Variants in C1D observed in about 807,000 individuals in gnomAD.
The protein encoded by C1D is C1D nuclear receptor corepressor, also known as nuclear nucleic acid-binding protein C1D.
C1D carries 10 observed loss-of-function variants against 17.5 expected under a neutral mutation model. That is an observed-to-expected ratio of 0.57 (90% CI 0.35 to 0.97). The LOEUF (loss-of-function observed/expected upper bound fraction) is 0.97, where lower values mean the gene tolerates loss of function less well. C1D is among the 50% of genes least tolerant of loss of function. C1D has a pLI of 0.01. For synonymous variants in C1D, 49 were observed against 54.0 expected, an observed-to-expected ratio of 0.91 and a Z score of 0.40; for missense variants, 136 against 160.1, an observed-to-expected ratio of 0.85 and a Z score of 0.81.
chr2:68,047,348 T>C (rs756355263), intron 1 of C1D, 29 bp from the exon 2 acceptor site: 5 of 1,574,810 alleles, frequency 3.2e-6, no homozygotes, highest in African/African-American at 1.4e-5. Flanking sequence ...TTTGAATTCA[T>C]ATTAGAGACA....
chr2:68,056,534 A>G (rs1454388513), intron 1 of C1D, among the ~76,000 whole-genome samples: 1 of 150,962 alleles, frequency 6.6e-6, no homozygotes, highest in East Asian at 1.9e-4. Flanking sequence ...GACATATGCA[A>G]CACAAAGATT....
At chr2:68,057,894 T>C (rs182404822) in intron 1 of C1D, among the ~76,000 whole-genome samples, 1 of 152,358 alleles carries the variant, frequency 6.6e-6, no homozygotes, top group East Asian at 1.9e-4. Flanking sequence ...AAAAGCCTCC[T>C]CTGGCCTGCT....
chr2:68,045,168 C>A (rs1395420333), intron 4 of C1D, among the ~76,000 whole-genome samples: 1 of 151,888 alleles, frequency 6.6e-6, no homozygotes, highest in Non-Finnish European at 1.5e-5. Flanking sequence ...AGTAAAGGAC[C>A]AAGTGCTTTA....
intron 1 of C1D, among the ~76,000 whole-genome samples, chr2:68,060,935 T>C (rs530263229): frequency 1.6e-4 from 24 of 152,280 alleles, no homozygotes; most frequent in Admixed American, 3.9e-4. Flanking sequence ...CCAATCAAAG[T>C]AACCTAAGAC....
At chr2:68,049,070 G>A (rs539491914) in intron 1 of C1D, among the ~76,000 whole-genome samples, 81 of 152,098 alleles carry the variant, frequency 5.3e-4, no homozygotes, top group South Asian at 2.1e-3. Context: ...GGTGGCGCAC[G>A]CCTGTAATCC....
At chr2:68,049,916 G>C (rs1671234517) in intron 1 of C1D, among the ~76,000 whole-genome samples, 3 of 152,142 alleles carry the variant, frequency 2.0e-5, no homozygotes, top group East Asian at 1.9e-4. Context: ...CCAGGAGAAA[G>C]TATCTGACAA....
chr2:68,060,513 G>C (rs941305249), intron 1 of C1D, among the ~76,000 whole-genome samples: 1 of 151,952 alleles, frequency 6.6e-6, no homozygotes, highest in Admixed American at 6.6e-5. Flanking sequence ...CATGGCGACG[G>C]GTGCCTGTAA....
chr2:68,053,355 A>G, intron 1 of C1D: 1 of 791,354 alleles, frequency 1.3e-6, no homozygotes, highest in Non-Finnish European at 1.9e-6. Flanking sequence ...ACAGAACTGA[A>G]GTCATCAGCT....
At chr2:68,060,249 T>A (rs963037996) in intron 1 of C1D, among the ~76,000 whole-genome samples, 2 of 152,252 alleles carry the variant, frequency 1.3e-5, no homozygotes, top group African/African-American at 4.8e-5. Flanking sequence ...TATCATCTCA[T>A]CTGAACTACA....
intron 1 of C1D, 22 bp from the exon 2 acceptor site, chr2:68,047,341 G>A (rs1298422705): frequency 6.3e-7 from 1 of 1,576,784 alleles, no homozygotes; most frequent in South Asian, 1.2e-5. Context: ...TAAATTCTTT[G>A]AATTCATATT....
rs1670959583 is a variant in C1D, at chr2:68,041,577, G to A, written c.*1312C>T. 1 of 151,992 alleles carries A rather than the reference G, an allele frequency of 6.6e-6. No individual in the cohort carries two copies. The highest frequency in any genetic ancestry group is 2.4e-5 in the African/African-American group (1 of 41,428). The allele number at this position is 151,992 out of a possible 1,614,324, so 9.4% of individuals were successfully genotyped here. A position where few individuals can be genotyped will look rare whatever the true frequency, so the allele number is the denominator to read the frequency against. ...ACTTCAAAAACTGACATCAGAGACAGAAAAGACCTTCTGCGTCTATCAGTG... is the reference window on the plus strand; with the variant it reads ...ACTTCAAAAACTGACATCAGAGACAAAAAAGACCTTCTGCGTCTATCAGTG... On this transcript the variant is annotated 3_prime_UTR_variant, in exon 5 of 5. Transcript: ENST00000410067.
chr2:68,051,828 C>A (rs903692951), intron 1 of C1D, among the ~76,000 whole-genome samples: 3 of 151,902 alleles, frequency 2.0e-5, no homozygotes, highest in African/African-American at 7.3e-5. Context: ...AAAATGCACA[C>A]CCCTCCCCCA....
intron 4 of C1D, among the ~76,000 whole-genome samples, chr2:68,044,601 G>C (rs1227451682): frequency 6.6e-6 from 1 of 152,192 alleles, no homozygotes; most frequent in Non-Finnish European, 1.5e-5. Context: ...CCAGCTACTC[G>C]AGAGGCTGAG....
At chr2:68,045,838 GA>G (rs1159784592) in intron 4 of C1D, 149 bp downstream of exon 4, 22 of 535,340 alleles carry the variant, frequency 4.1e-5, no homozygotes, top group South Asian at 1.9e-4. Flanking sequence ...AAAGGTAAGA[GA>G]AAAAAAAACC....
chr2:68,051,520 T>C (rs1182768118), intron 1 of C1D, among the ~76,000 whole-genome samples: 1 of 152,020 alleles, frequency 6.6e-6, no homozygotes, highest in African/African-American at 2.4e-5. Context: ...ATAATAACTA[T>C]TTATCTTTTA....
intron 1 of C1D, among the ~76,000 whole-genome samples, chr2:68,056,392 G>A (rs1031952151): frequency 1.3e-5 from 2 of 151,848 alleles, no homozygotes; most frequent in South Asian, 2.1e-4. Flanking sequence ...GTGAGCCATC[G>A]AGCCCAGCAA....
chr2:68,047,065 A>AG, intron 2 of C1D, 108 bp downstream of exon 2: 1 of 935,604 alleles, frequency 1.1e-6, no homozygotes, highest in Non-Finnish European at 1.5e-6. Flanking sequence ...ATTGAAATAA[A>AG]GGGGAAAAGG....
At chr2:68,062,368 A>G (rs1671658456) in intron 1 of C1D, among the ~76,000 whole-genome samples, 1 of 152,242 alleles carries the variant, frequency 6.6e-6, no homozygotes, top group Non-Finnish European at 1.5e-5. Flanking sequence ...AGCTATTTTG[A>G]AACAAGTTTG....
At chr2:68,046,282 T>C (rs1244795302) in intron 3 of C1D, 62 bp downstream of exon 3, 2 of 1,232,666 alleles carry the variant, frequency 1.6e-6, no homozygotes, top group Non-Finnish European at 2.4e-6. Context: ...ATTTTAAAAA[T>C]AAATCATCTT....
Sources: allele counts gnomAD v4.1 joint callset (sites outside exome capture counted in the v4.1 genomes callset), GRCh38; gene constraint gnomAD v4.1.1; transcripts MANE v1.5; gene names NCBI Gene and HGNC (gene_info 2026-07-23, HGNC 2026-07-21).